STK24: variants seen among roughly 807,000 people sequenced by gnomAD.
The protein encoded by STK24 is serine/threonine kinase 24.
STK24 carries 21 observed loss-of-function variants against 55.6 expected under a neutral mutation model. The ratio of observed to expected loss-of-function variants is 0.38; its 90% CI spans 0.27 to 0.54. The LOEUF (loss-of-function observed/expected upper bound fraction) is 0.54, where lower values mean the gene tolerates loss of function less well. Among genes scored for constraint, STK24 ranks in the 20% least tolerant of loss-of-function variants. The pLI is 0.79. For synonymous variants in STK24, 200 were observed against 215.2 expected (o/e 0.93, Z 0.62); for missense variants, 383 against 538.4 (o/e 0.71, Z 2.86).
At chr13:98,512,109 A>G (rs2139367386) in intron 2 of STK24, among the ~76,000 whole-genome samples, 1 of 152,198 alleles carries the variant, frequency 6.6e-6, no homozygotes, top group African/African-American at 2.4e-5. Context: ...GCTGGTTTCG[A>G]ACTTCTGACC....
chr13:98,456,549 C>T (rs1352528956), intron 10 of STK24: 2 of 508,578 alleles, frequency 3.9e-6, no homozygotes, highest in Non-Finnish European at 8.1e-6. Flanking sequence ...GGCTTGGTTC[C>T]CATGGATACT....
Position 98,463,794 on chromosome 13 carries a change from G to A in STK24, c.826C>T (p.Arg276Cys), listed in dbSNP as rs1194470118. The change falls in exon 7 of 11, where the codon CGC (arginine) becomes TGC (cysteine). Residue 276 changes from arginine to cysteine, a missense_variant. Physicochemically the swap from Arg to Cys is radical, Grantham distance 180. Transcript: ENST00000539966. ...AAGTAGGAAGTTTTCTTTGCATTGC[G>A]TAGTATAAACTTGTGCTTCAATAAC... is the stretch of plus-strand genomic sequence containing the variant. Reference protein sequence around the residue: ...KELLKHKFILRNAKKTSYLTE... With the variant: ...KELLKHKFILCNAKKTSYLTE... 5 of 1,614,008 alleles carry A rather than the reference G, an allele frequency of 3.1e-6. No homozygotes were observed. Among genetic ancestry groups the A allele is most frequent in the African/African-American group, 1.3e-5 (1 of 74,896 alleles).
At chr13:98,484,421 C>A (rs1005982068) in intron 2 of STK24, among the ~76,000 whole-genome samples, 1 of 152,186 alleles carries the variant, frequency 6.6e-6, no homozygotes, top group Admixed American at 6.5e-5. Context: ...CTGCTCACAG[C>A]AAGGGGAGCT....
intron 2 of STK24, among the ~76,000 whole-genome samples, chr13:98,492,456 C>T (rs1431166950): frequency 6.6e-6 from 1 of 152,128 alleles, no homozygotes; most frequent in Non-Finnish European, 1.5e-5. Context: ...TGAGAGTCTC[C>T]GGGTATTTAA....
At chr13:98,576,394 G>A (rs1370852583) in intron 1 of STK24, among the ~76,000 whole-genome samples, 7 of 151,926 alleles carry the variant, frequency 4.6e-5, no homozygotes, top group Non-Finnish European at 7.4e-5. Flanking sequence ...GGCCTCCAAG[G>A]GCATCACTCC....
At chr13:98,501,955 G>A (rs1001235548) in intron 2 of STK24, among the ~76,000 whole-genome samples, 1 of 152,108 alleles carries the variant, frequency 6.6e-6, no homozygotes, top group African/African-American at 2.4e-5. Flanking sequence ...GGAGGTTCTT[G>A]CAGAGTCCCC....
At chr13:98,546,593 C>A (rs1897033872) in intron 1 of STK24, among the ~76,000 whole-genome samples, 3 of 152,150 alleles carry the variant, frequency 2.0e-5, no homozygotes, top group African/African-American at 7.2e-5. Context: ...TCGCAGTCAA[C>A]CAACCCAGAG....
At chr13:98,470,536 T>C (rs1894103573) in intron 5 of STK24, among the ~76,000 whole-genome samples, 2 of 152,158 alleles carry the variant, frequency 1.3e-5, no homozygotes, top group African/African-American at 4.8e-5. Flanking sequence ...GATATGAAAT[T>C]AGACATTAAG....
intron 1 of STK24, among the ~76,000 whole-genome samples, chr13:98,523,711 T>C (rs1321563895): frequency 6.6e-6 from 1 of 152,208 alleles, no homozygotes; most frequent in African/African-American, 2.4e-5. Flanking sequence ...ATTAGCTGAC[T>C]GCAGAGAGCC....
chr13:98,471,948 T>A (rs1245135510), intron 5 of STK24, among the ~76,000 whole-genome samples: 1 of 152,200 alleles, frequency 6.6e-6, no homozygotes, highest in Non-Finnish European at 1.5e-5. Context: ...AGGGGAAATG[T>A]CTACAAGTCA....
chr13:98,519,128 A>G (rs937180426), intron 2 of STK24, 115 bp downstream of exon 2: 9 of 791,830 alleles, frequency 1.1e-5, no homozygotes, highest in Non-Finnish European at 1.9e-5. Flanking sequence ...AGGTCAAAAC[A>G]TCTCTCCTTG....
chr13:98,484,961 C>G (rs1894750483), intron 2 of STK24, among the ~76,000 whole-genome samples: 1 of 152,186 alleles, frequency 6.6e-6, no homozygotes, highest in Non-Finnish European at 1.5e-5. Context: ...ACTCAGGAAA[C>G]CAGCTCAAGT....
rs1287814092 is a variant in STK24, at chr13:98,453,041, G to A, written c.*132C>T. 18 of 963,050 alleles carry A rather than the reference G, an allele frequency of 1.9e-5. No homozygotes were observed. Among genetic ancestry groups the A allele is most frequent in the Admixed American group, 2.3e-5 (1 of 43,110 alleles). 59.7% of individuals were successfully genotyped at this position (963,050 alleles called of 1,614,324 possible). Reference sequence around the variant, plus strand: ...AGACTGTGTGTGTCCCTGGACGGGCGCCTGGCGCTGGGGTGGCTCCCAGTG... The same window carrying A: ...AGACTGTGTGTGTCCCTGGACGGGCACCTGGCGCTGGGGTGGCTCCCAGTG... On this transcript the variant is annotated 3_prime_UTR_variant, in exon 11 of 11. Transcript: ENST00000539966.
intron 1 of STK24, among the ~76,000 whole-genome samples, chr13:98,535,367 A>T (rs1288160250): frequency 3.3e-5 from 1 of 29,872 alleles, no homozygotes; most frequent in Admixed American, 3.0e-4. Flanking sequence ...CAAACAAAAA[A>T]AAAATATATA....
At chr13:98,490,707 C>A (rs1486596911) in intron 2 of STK24, among the ~76,000 whole-genome samples, 2 of 151,944 alleles carry the variant, frequency 1.3e-5, no homozygotes, top group Admixed American at 6.6e-5. Context: ...TGGAGAAAAC[C>A]CGGATTGGAC....
intron 1 of STK24, among the ~76,000 whole-genome samples, chr13:98,555,277 T>TA (rs1315807807): frequency 2.0e-5 from 3 of 152,090 alleles, no homozygotes; most frequent in African/African-American, 7.2e-5. Flanking sequence ...TATTGTTGGA[T>TA]AACCATGTTT....
intron 2 of STK24, among the ~76,000 whole-genome samples, chr13:98,512,002 G>A (rs12146952): frequency 8.0e-5 from 12 of 150,370 alleles, no homozygotes; most frequent in African/African-American, 1.2e-4. Context: ...CTCGTGCCTC[G>A]GCCTCCCAAT....
rs370637222 is a variant in STK24, at chr13:98,502,139, AC to A, written c.273+17103del. The stretch of plus-strand genomic sequence containing the variant: ...CCCTGTCCTGTGTTCCCAAAGGACA[AC>A]CCTGCCCTGATCATCCAAGCACTTA... On this transcript the variant is annotated intron_variant, in intron 2 of 10. Coordinates refer to ENST00000539966, the MANE Select transcript of STK24 (RefSeq NM_001032296.4). Among the ~76,000 whole-genome samples the A allele has an allele frequency of 1.7e-3, 254 of 152,146 alleles. 3 individuals carry two copies. The highest frequency in any genetic ancestry group is 5.9e-3 in the African/African-American group (247 of 41,518).
intron 1 of STK24, among the ~76,000 whole-genome samples, chr13:98,561,891 C>T (rs1362228149): frequency 2.7e-5 from 4 of 149,000 alleles, no homozygotes; most frequent in African/African-American, 7.5e-5. Flanking sequence ...GCATGGGAAT[C>T]GCTTGAACCC....
Sources: gnomAD v4.1 joint callset for allele counts (sites outside exome capture counted in the v4.1 genomes callset) on GRCh38, gnomAD v4.1.1 for gene constraint, MANE v1.5 for transcripts, NCBI Gene and HGNC (gene_info 2026-07-23, HGNC 2026-07-21) for gene names.